The following CCSER2 variants were observed in gnomAD, a reference collection of about 807,000 sequenced individuals.
The protein encoded by CCSER2 is serine-rich coiled-coil domain-containing protein 2.
Under a neutral mutation model 92.3 loss-of-function variants are expected in CCSER2, and 46 were observed. The observed-to-expected ratio is 0.50, with a 90% CI of 0.39 to 0.64. The LOEUF (loss-of-function observed/expected upper bound fraction) is 0.64, where lower values mean the gene tolerates loss of function less well. CCSER2 is among the 30% of genes least tolerant of loss of function. The pLI is 0.00. For missense variants in CCSER2, 1,244 were observed against 1,238.9 expected (o/e 1.00, Z -0.06); for synonymous variants, 433 against 431.4 (o/e 1.00, Z -0.04).
chr10:84,480,634 GA>G (rs1847402404), intron 9 of CCSER2, among the ~76,000 whole-genome samples: 1 of 152,122 alleles, frequency 6.6e-6, no homozygotes, highest in Admixed American at 6.6e-5. Flanking sequence ...TTTTTATTGA[GA>G]GATAACGATA....
chr10:84,428,385 CG>C (rs1564652664), intron 5 of CCSER2, among the ~76,000 whole-genome samples: 1 of 152,140 alleles, frequency 6.6e-6, no homozygotes, highest in African/African-American at 2.4e-5. Flanking sequence ...GCCGCTGATA[CG>C]ACAGGAGGTG....
chr10:84,387,213 G>C (rs954084608), intron 3 of CCSER2, among the ~76,000 whole-genome samples: 1 of 152,092 alleles, frequency 6.6e-6, no homozygotes, highest in Non-Finnish European at 1.5e-5. Flanking sequence ...CTTTAAGGCT[G>C]TATTCAGACT....
chr10:84,517,483 C>T lies in CCSER2; in HGVS notation c.*3216C>T, dbSNP rs528704599. Reference sequence around the variant, plus strand: ...TATATATATTAGAATTTACTAAGTACTTTAACAAGTAAAAATCTGAATATG... The same window carrying T: ...TATATATATTAGAATTTACTAAGTATTTTAACAAGTAAAAATCTGAATATG... On this transcript the variant is annotated 3_prime_UTR_variant, in exon 10 of 10. Coordinates refer to ENST00000372088, the MANE Select transcript of CCSER2 (RefSeq NM_001284240.2). 21 of 152,672 alleles carry T rather than the reference C, an allele frequency of 1.4e-4. No homozygotes were observed. In the East Asian group the frequency reaches 3.7e-3, roughly 27 times the overall value. 9.5% of individuals were successfully genotyped at this position (152,672 alleles called of 1,614,324 possible).
intron 6 of CCSER2, among the ~76,000 whole-genome samples, chr10:84,451,600 CT>C (rs1845294248): frequency 6.6e-6 from 1 of 152,052 alleles, no homozygotes; most frequent in Non-Finnish European, 1.5e-5. Flanking sequence ...TTAGGAATAT[CT>C]TTAAGTGCCA....
rs1564650326 is a variant in CCSER2, at chr10:84,425,897, A to G, written c.1868+4A>G. On this transcript the variant is annotated splice_donor_region_variant and intron_variant, in intron 5 of 9. Coordinates refer to ENST00000372088, the MANE Select transcript of CCSER2 (RefSeq NM_001284240.2). Reference sequence around the variant, plus strand: ...ATGGAAAAAGTGACTTGAGCAGGTAAGTACTGTTCTGACTTAGATTTCATT... The same window carrying G: ...ATGGAAAAAGTGACTTGAGCAGGTAGGTACTGTTCTGACTTAGATTTCATT... 1 of 1,548,412 alleles carries G rather than the reference A, an allele frequency of 6.5e-7. No individual in the cohort carries two copies. The highest frequency in any genetic ancestry group is 8.8e-7 in the Non-Finnish European group (1 of 1,141,590).
Position 84,371,665 on chromosome 10 carries a change from C to G in CCSER2, c.613C>G (p.Gln205Glu). ...TRSSSGESLA[Q>E]SPDSSKSINC... ...AAGCAGTTCTGGAGAAAGCTTAGCT[C>G]AATCCCCAGACAGTAGTAAATCTAT... The change falls in exon 2 of 10, where the codon CAA (glutamine) becomes GAA (glutamate). Residue 205 changes from glutamine to glutamate, a missense_variant. Physicochemically the swap from Gln to Glu is conservative, Grantham distance 29. Transcript: ENST00000372088. The G allele has an allele frequency of 6.2e-7, 1 of 1,613,740 alleles. No individual in the cohort carries two copies. The highest frequency in any genetic ancestry group is 8.5e-7 in the Non-Finnish European group (1 of 1,179,830).
intron 1 of CCSER2, among the ~76,000 whole-genome samples, chr10:84,361,380 G>A (rs960317687): frequency 6.6e-6 from 1 of 152,154 alleles, no homozygotes; most frequent in Non-Finnish European, 1.5e-5. Flanking sequence ...ACAGCTTTCT[G>A]ATGGGCTTAT....
At chr10:84,460,256 ATT>A (rs57903884) in intron 6 of CCSER2, among the ~76,000 whole-genome samples, 3,303 of 125,686 alleles carry the variant, frequency 0.026, 115 homozygotes, top group African/African-American at 0.09. Context: ...TGCCCGGCTG[ATT>A]TTTTTTTTTT....
At chr10:84,491,936 G>T (rs1185058839) in intron 9 of CCSER2, among the ~76,000 whole-genome samples, 1 of 152,102 alleles carries the variant, frequency 6.6e-6, no homozygotes, top group Non-Finnish European at 1.5e-5. Context: ...AAGTGATACT[G>T]TTCGTTAAAT....
chr10:84,336,228 C>G (rs995338959), intron 1 of CCSER2, among the ~76,000 whole-genome samples: 6 of 152,138 alleles, frequency 3.9e-5, no homozygotes, highest in African/African-American at 1.4e-4. Context: ...GATTCTCAGT[C>G]TGGATTTTTC....
At chr10:84,459,987 A>G (rs2133647063) in intron 6 of CCSER2, among the ~76,000 whole-genome samples, 1 of 151,624 alleles carries the variant, frequency 6.6e-6, no homozygotes, top group South Asian at 2.1e-4. Context: ...GGTGAATTAC[A>G]TTGCTTTCTG....
intron 1 of CCSER2, among the ~76,000 whole-genome samples, chr10:84,368,455 T>TAA (rs1334539677): frequency 1.3e-5 from 2 of 152,120 alleles, no homozygotes; most frequent in Admixed American, 1.3e-4. Context: ...TCTTTAGTCT[T>TAA]TTTTCACTCT....
chr10:84,371,427 A>G lies in CCSER2; in HGVS notation c.375A>G (p.Ala125=). Residue 125 remains alanine (A), a synonymous_variant, in exon 2 of 10, where the codon GCA becomes GCG. Transcript: ENST00000372088. ...KSVSLFTSKL[A]KPSTMFVSST... is the part of the protein sequence containing the mutation. ...TTTCTTTATTCACATCAAAGTTAGC[A>G]AAGCCATCCACTATGTTTGTGTCAT... 6.2e-7 allele frequency: 1 copy of G among 1,613,644 alleles called. No individual in the cohort carries two copies. The highest frequency in any genetic ancestry group is 8.5e-7 in the Non-Finnish European group (1 of 1,179,794).
chr10:84,396,924 G>A (rs930234963), intron 3 of CCSER2, among the ~76,000 whole-genome samples: 1 of 152,144 alleles, frequency 6.6e-6, no homozygotes, highest in Admixed American at 6.5e-5. Flanking sequence ...CCAACAATGG[G>A]CATCAAGATT....
chr10:84,490,955 A>G (rs532086278), intron 9 of CCSER2, among the ~76,000 whole-genome samples: 4 of 152,238 alleles, frequency 2.6e-5, no homozygotes, highest in East Asian at 1.9e-4. Flanking sequence ...TTTTCCTTCT[A>G]ATAGTCAGGA....
intron 6 of CCSER2, chr10:84,455,662 A>G (rs17719126): frequency 0.15 from 100,788 of 690,700 alleles, 8,728 homozygotes; most frequent in Admixed American, 0.28. Context: ...GTTTCAGGAG[A>G]TTGTTCACAG....
chr10:84,415,505 A>C (rs1033353468), intron 3 of CCSER2, among the ~76,000 whole-genome samples: 4 of 152,214 alleles, frequency 2.6e-5, no homozygotes, highest in Admixed American at 6.5e-5. Context: ...GTGAAACAGC[A>C]AAGATGGCAA....
At chr10:84,462,323 C>A (rs780721201) in intron 6 of CCSER2, among the ~76,000 whole-genome samples, 3 of 152,184 alleles carry the variant, frequency 2.0e-5, no homozygotes, top group Non-Finnish European at 1.5e-5. Context: ...CACAAGTGCA[C>A]CTGCATTTAA....
chr10:84,449,195 C>T (rs1038884625), intron 6 of CCSER2, among the ~76,000 whole-genome samples: 8 of 151,690 alleles, frequency 5.3e-5, no homozygotes, highest in South Asian at 4.2e-4. Context: ...GCCAAAATGG[C>T]GAAACCCCAT....
Sources: allele counts gnomAD v4.1 joint callset (sites outside exome capture counted in the v4.1 genomes callset), GRCh38; gene constraint gnomAD v4.1.1; transcripts MANE v1.5; gene names NCBI Gene and HGNC (gene_info 2026-07-23, HGNC 2026-07-21).